The following ST3GAL5 variants were observed in gnomAD, a reference collection of about 807,000 sequenced individuals.
ST3GAL5 encodes lactosylceramide alpha-2,3-sialyltransferase.
Under a neutral mutation model 46.1 loss-of-function variants are expected in ST3GAL5, and 25 were observed. The observed-to-expected ratio is 0.54, with a 90% CI of 0.40 to 0.76. The LOEUF (loss-of-function observed/expected upper bound fraction) is 0.76. Ranked by LOEUF, ST3GAL5 falls within the 30% of genes least tolerant of loss-of-function variation. The pLI, the probability that ST3GAL5 is intolerant of heterozygous loss-of-function variation, is 0.00. For synonymous variants in ST3GAL5, 182 were observed against 192.7 expected (o/e 0.94, Z 0.46); for missense variants, 431 against 521.2 (o/e 0.83, Z 1.69).
At chr2:85,867,594 T>C in intron 1 of ST3GAL5, 1 of 781,000 alleles carries the variant, frequency 1.3e-6, no homozygotes, top group Non-Finnish European at 2.4e-6. Context: ...AAACGTGTGA[T>C]GGGGACTTAC....
intron 1 of ST3GAL5, among the ~76,000 whole-genome samples, chr2:85,871,179 G>C (rs1002387944): frequency 2.0e-5 from 3 of 151,880 alleles, no homozygotes; most frequent in Admixed American, 2.0e-4. Flanking sequence ...TGGAACTATA[G>C]GTGTGCACCA....
chr2:85,843,593 T>C (rs369609165), intron 6 of ST3GAL5, among the ~76,000 whole-genome samples: 3 of 152,216 alleles, frequency 2.0e-5, no homozygotes, highest in Non-Finnish European at 2.9e-5. Context: ...TTCTCTTTGA[T>C]TTAGTAAGAG....
At chr2:85,861,097 G>C in intron 3 of ST3GAL5, 84 bp downstream of exon 3, 1 of 977,136 alleles carries the variant, frequency 1.0e-6, no homozygotes, top group South Asian at 1.3e-5. Context: ...ACATATATTT[G>C]TCACACAGTA....
At chr2:85,857,532 G>A (rs564979747) in intron 3 of ST3GAL5, among the ~76,000 whole-genome samples, 9 of 125,658 alleles carry the variant, frequency 7.2e-5, no homozygotes, top group South Asian at 5.0e-4. Flanking sequence ...GTGAGACTCC[G>A]TCTCAAAAAA....
chr2:85,877,626 C>T (rs960815216), intron 1 of ST3GAL5, among the ~76,000 whole-genome samples: 14 of 152,184 alleles, frequency 9.2e-5, no homozygotes, highest in African/African-American at 2.2e-4. Context: ...ATTTTCCCTT[C>T]GTAATTAATA....
At chr2:85,874,320 C>T (rs146703024) in intron 1 of ST3GAL5, among the ~76,000 whole-genome samples, 105 of 152,286 alleles carry the variant, frequency 6.9e-4, no homozygotes, top group African/African-American at 2.4e-3. Flanking sequence ...CTATAATGTT[C>T]CCAGCACGCA....
intron 1 of ST3GAL5, among the ~76,000 whole-genome samples, chr2:85,874,405 G>A (rs541682968): frequency 6.6e-6 from 1 of 152,180 alleles, no homozygotes; most frequent in Non-Finnish European, 1.5e-5. Flanking sequence ...GCCCAGTTCC[G>A]CTTCCACCTA....
chr2:85,844,395 C>A lies in ST3GAL5; in HGVS notation c.1008+1G>T, dbSNP rs763850093. On this transcript the variant is annotated splice_donor_variant, in intron 6 of 6. Transcript: ENST00000638572. LOFTEE classifies it high-confidence loss of function. ...TTAACTTTGAGTAGCAACAAAAATACCTTATCTCGGCCCCAGAACCTTGAC... is the reference window on the plus strand; with the variant it reads ...TTAACTTTGAGTAGCAACAAAAATAACTTATCTCGGCCCCAGAACCTTGAC... 6.2e-7 allele frequency: 1 copy of A among 1,614,170 alleles called. No homozygotes were observed. Among genetic ancestry groups the A allele is most frequent in the Non-Finnish European group, 8.5e-7 (1 of 1,180,028 alleles).
chr2:85,857,663 A>G (rs1166425640), intron 3 of ST3GAL5, among the ~76,000 whole-genome samples: 1 of 152,138 alleles, frequency 6.6e-6, no homozygotes, highest in Non-Finnish European at 1.5e-5. Context: ...GACTGGAGAG[A>G]TCAGTAGGAA....
intron 6 of ST3GAL5, chr2:85,840,599 G>A (rs1681909048): frequency 1.6e-6 from 1 of 618,502 alleles, no homozygotes; most frequent in Non-Finnish European, 2.9e-6. Flanking sequence ...GGTCTGTGAT[G>A]TTCACACACT....
chr2:85,844,543 T>C lies in ST3GAL5; in HGVS notation c.861A>G (p.Val287=), dbSNP rs886056392. 5 of 1,614,144 alleles carry C rather than the reference T, an allele frequency of 3.1e-6. No homozygotes were observed. In the Admixed American group the frequency reaches 6.7e-5, roughly 22 times the overall value. ...MVKKETLPFW[V]RLFFWKQVAE... ...CCACCTGCTTCCAAAAGAAGAGTCG[T>C]ACCCAGAATGGCTAAGGAAAGCAAG... Residue 287 remains valine, a synonymous_variant, in exon 6 of 7, where the codon GTA becomes GTG. Transcript: ENST00000638572.
chr2:85,866,430 C>T (rs1042965138), intron 1 of ST3GAL5, among the ~76,000 whole-genome samples: 2 of 152,198 alleles, frequency 1.3e-5, no homozygotes, highest in African/African-American at 2.4e-5. Context: ...GCCTCAAAGC[C>T]GTCTTTCAAA....
chr2:85,887,981 T>C (rs1020321787), intron 1 of ST3GAL5: 1 of 152,262 alleles, frequency 6.6e-6, no homozygotes, highest in Non-Finnish European at 1.5e-5. Context: ...GACATGAGGA[T>C]ATAAAATTCG....
At chr2:85,881,928 T>G (rs540603562) in intron 1 of ST3GAL5, among the ~76,000 whole-genome samples, 5 of 152,214 alleles carry the variant, frequency 3.3e-5, no homozygotes, top group Non-Finnish European at 5.9e-5. Flanking sequence ...CAGCAGTCCC[T>G]CCCATCACAG....
At chr2:85,874,685 T>C (rs528954786) in intron 1 of ST3GAL5, among the ~76,000 whole-genome samples, 38 of 152,156 alleles carry the variant, frequency 2.5e-4, no homozygotes, top group African/African-American at 9.2e-4. Context: ...AGGGACTGTG[T>C]CCATTTTGTT....
chr2:85,868,675 G>C (rs1685563265), intron 1 of ST3GAL5, among the ~76,000 whole-genome samples: 1 of 150,496 alleles, frequency 6.6e-6, no homozygotes. Flanking sequence ...CTGGAGTGCA[G>C]TGGCGTGATC....
At chr2:85,852,347 G>A (rs994793531) in intron 3 of ST3GAL5, among the ~76,000 whole-genome samples, 3 of 152,132 alleles carry the variant, frequency 2.0e-5, no homozygotes, top group African/African-American at 4.8e-5. Context: ...TCGCTTCTTC[G>A]CAGGTTGCTC....
chr2:85,881,729 A>G (rs971450834), intron 1 of ST3GAL5, among the ~76,000 whole-genome samples: 7 of 152,140 alleles, frequency 4.6e-5, no homozygotes, highest in African/African-American at 1.7e-4. Context: ...AAAGGCATTC[A>G]GTTTTAAAAG....
chr2:85,848,584 A>C, intron 3 of ST3GAL5: 1 of 402,914 alleles, frequency 2.5e-6, no homozygotes, highest in Non-Finnish European at 4.6e-6. Flanking sequence ...CTTTGAGGAC[A>C]TTATGCTAAG....
Sources: gnomAD v4.1 joint callset for allele counts (sites outside exome capture counted in the v4.1 genomes callset) on GRCh38, gnomAD v4.1.1 for gene constraint, MANE v1.5 for transcripts, NCBI Gene and HGNC (gene_info 2026-07-23, HGNC 2026-07-21) for gene names.